Variants in FYB1 observed in about 807,000 individuals in gnomAD.
FYB1 encodes FYN binding protein 1, also known as FYN-binding protein 1.
A neutral mutation model predicts 94.1 loss-of-function variants in FYB1; 41 were observed. The observed-to-expected ratio is 0.44, with a 90% CI of 0.34 to 0.57. The LOEUF is 0.57. FYB1 is among the 20% of genes least tolerant of loss of function. FYB1 has a pLI of 0.02. For synonymous variants in FYB1, 367 were observed against 353.2 expected, an observed-to-expected ratio of 1.04 and a Z score of -0.44; for missense variants, 1,050 against 976.8, an observed-to-expected ratio of 1.07 and a Z score of -1.00.
rs369056334 is a variant in FYB1, at chr5:39,112,504, T to C, written c.2402-2115A>G. On this transcript the variant is annotated intron_variant, in intron 16 of 18. Coordinates refer to ENST00000512982, the MANE Select transcript of FYB1 (RefSeq NM_001465.6). ...AGAATTATAAACTGTTGTTAGAGAC[T>C]GAAGTTATTCTGGCATCAAATATAA... Among the ~76,000 whole-genome samples, 19 of 152,158 alleles carry C rather than the reference T, an allele frequency of 1.2e-4. No homozygotes were observed. In the South Asian group the frequency reaches 2.1e-3, roughly 17 times the overall value.
intron 1 of FYB1, among the ~76,000 whole-genome samples, chr5:39,262,191 C>A (rs155381): frequency 6.6e-6 from 1 of 151,520 alleles, no homozygotes; most frequent in East Asian, 1.9e-4. Flanking sequence ...AAAAGAGACA[C>A]CAAAAGTAAA....
At chr5:39,109,820 C>G (rs1028301800) in intron 17 of FYB1, among the ~76,000 whole-genome samples, 1 of 152,070 alleles carries the variant, frequency 6.6e-6, no homozygotes, top group Non-Finnish European at 1.5e-5. Flanking sequence ...ATGTCTTATT[C>G]ATAAGAATAG....
At chr5:39,124,107 C>A (rs2150291741) in intron 13 of FYB1, 146 bp downstream of exon 13, 1 of 613,702 alleles carries the variant, frequency 1.6e-6, no homozygotes, top group East Asian at 3.4e-5. Context: ...CCTGTGACCA[C>A]CCAAGGTAAA....
chr5:39,195,886 T>A (rs1334579920), intron 2 of FYB1, among the ~76,000 whole-genome samples: 1 of 152,064 alleles, frequency 6.6e-6, no homozygotes, highest in Non-Finnish European at 1.5e-5. Context: ...GAGAATATTT[T>A]GATATTTTGG....
intron 2 of FYB1, among the ~76,000 whole-genome samples, chr5:39,154,512 T>TC (rs1368523211): frequency 6.6e-6 from 1 of 151,618 alleles, no homozygotes; most frequent in Non-Finnish European, 1.5e-5. Context: ...TCCTTTTTTT[T>TC]TTTTTTCCTT....
chr5:39,262,786 G>A (rs1268358280), intron 1 of FYB1, among the ~76,000 whole-genome samples: 1 of 152,004 alleles, frequency 6.6e-6, no homozygotes, highest in Non-Finnish European at 1.5e-5. Context: ...TAGAGTGAAA[G>A]AAGGCAAAGT....
intron 16 of FYB1, among the ~76,000 whole-genome samples, chr5:39,115,121 C>T (rs1315755978): frequency 4.2e-5 from 6 of 143,694 alleles, no homozygotes; most frequent in Non-Finnish European, 6.0e-5. Context: ...TTTGAGATGG[C>T]GTCTCGCTCT....
intron 2 of FYB1, among the ~76,000 whole-genome samples, chr5:39,200,755 T>G (rs1038663293): frequency 1.3e-5 from 2 of 152,214 alleles, no homozygotes; most frequent in African/African-American, 4.8e-5. Flanking sequence ...GTTTCTACAG[T>G]GCAAAAACGA....
intron 6 of FYB1, chr5:39,138,360 C>T (rs769912081): frequency 2.7e-5 from 7 of 256,482 alleles, no homozygotes; most frequent in Non-Finnish European, 4.4e-5. Context: ...ACTCATCTGC[C>T]CAAGGATACA....
In FYB1 at chr5:39,201,914, G is replaced by T; in HGVS notation, c.1047C>A (p.Pro349=). ...GTGGAGGTGGACCCAAGGTAAACAA[G>T]GGAGGCAATGGCTTCTGTTTCGGGG... ...SATPKQKPLP[P]LFTLGPPPPK... is the part of the protein sequence containing the mutation. The change falls in exon 2 of 19, where the codon CCC becomes CCA. Residue 349 remains proline, a synonymous_variant. Coordinates refer to ENST00000512982, the MANE Select transcript of FYB1 (RefSeq NM_001465.6). The T allele has an allele frequency of 6.2e-7, 1 of 1,613,990 alleles. No individual in the cohort carries two copies. The highest frequency in any genetic ancestry group is 2.2e-5 in the East Asian group (1 of 44,868).
chr5:39,208,490 G>A (rs1000309138), intron 1 of FYB1, among the ~76,000 whole-genome samples: 2 of 152,062 alleles, frequency 1.3e-5, no homozygotes, highest in African/African-American at 2.4e-5. Flanking sequence ...AGATAAAGTC[G>A]TTTGTTACCC....
At chr5:39,256,808 T>C (rs1404411116) in intron 1 of FYB1, among the ~76,000 whole-genome samples, 4 of 152,204 alleles carry the variant, frequency 2.6e-5, no homozygotes, top group African/African-American at 9.7e-5. Flanking sequence ...TCTCATGTAG[T>C]TGTGGGTACA....
At position 39,124,258 on chromosome 5, in the gene FYB1, T is replaced by C. The variant is rs761764670; in HGVS notation, c.2066A>G (p.Gln689Arg). 6 of 1,560,632 alleles carry C rather than the reference T, an allele frequency of 3.8e-6. No homozygotes were observed. In the South Asian group the frequency reaches 7.2e-5, roughly 19 times the overall value. Residue 689 changes from glutamine (Q) to arginine (R), a missense_variant, in exon 13 of 19, where the codon CAA becomes CGA. Transcript: ENST00000512982. ...EGSSFPAPPK[Q>R]LDMGDEVYDD... ...AATCAGTTTTTATTACTTACCCAAT[T>C]GTTTAGGAGGAGCAGGGAAACTACA... is the stretch of plus-strand genomic sequence containing the variant.
At chr5:39,152,761 AG>A (rs1743357055) in intron 3 of FYB1, among the ~76,000 whole-genome samples, 1 of 152,266 alleles carries the variant, frequency 6.6e-6, no homozygotes, top group African/African-American at 2.4e-5. Flanking sequence ...TTCAAGCAAG[AG>A]CAGGCTTGAA....
At chr5:39,221,716 A>G (rs1157544250), upstream of FYB1, among the ~76,000 whole-genome samples, 1 of 152,114 alleles carries the variant, frequency 6.6e-6, no homozygotes, top group Non-Finnish European at 1.5e-5. Context: ...AAAATAATCC[A>G]CTGGGTGAGG....
chr5:39,188,530 A>G (rs1199667421), intron 2 of FYB1, among the ~76,000 whole-genome samples: 1 of 127,524 alleles, frequency 7.8e-6, no homozygotes, highest in African/African-American at 3.1e-5. Context: ...CCTTCTCATC[A>G]ACTACAGCAC....
chr5:39,223,279 C>T (rs914300439), upstream of FYB1, among the ~76,000 whole-genome samples: 4 of 151,924 alleles, frequency 2.6e-5, no homozygotes, highest in African/African-American at 9.7e-5. Context: ...TAGTATTTTC[C>T]CCTATCATTT....
intron 1 of FYB1, among the ~76,000 whole-genome samples, chr5:39,208,307 C>T (rs1191984476): frequency 6.6e-6 from 1 of 152,088 alleles, no homozygotes; most frequent in East Asian, 1.9e-4. Flanking sequence ...GTTACTCTTC[C>T]CTATATAAAG....
intron 3 of FYB1, among the ~76,000 whole-genome samples, chr5:39,144,879 A>G (rs996262372): frequency 1.3e-5 from 2 of 152,226 alleles, no homozygotes; most frequent in African/African-American, 2.4e-5. Context: ...ATTCTTATTC[A>G]AACAACTTAA....
Sources: allele counts gnomAD v4.1 joint callset (sites outside exome capture counted in the v4.1 genomes callset), GRCh38; gene constraint gnomAD v4.1.1; transcripts MANE v1.5; gene names NCBI Gene and HGNC (gene_info 2026-07-23, HGNC 2026-07-21).